The following SEMA6D variants were observed in gnomAD, a reference collection of about 807,000 sequenced individuals.
SEMA6D encodes semaphorin 6D.
SEMA6D carries 35 observed loss-of-function variants against 106.6 expected under a neutral mutation model. That is an observed-to-expected ratio of 0.33 (90% CI 0.25 to 0.44). SEMA6D has a LOEUF of 0.44. SEMA6D is among the 20% of genes least tolerant of loss of function. The pLI, the probability that SEMA6D is intolerant of heterozygous loss-of-function variation, is 1.00. For synonymous variants in SEMA6D, 499 were observed against 487.7 expected, an observed-to-expected ratio of 1.02 and a Z score of -0.31; for missense variants, 1,185 against 1,345.9, an observed-to-expected ratio of 0.88 and a Z score of 1.87.
chr15:47,305,165 A>T (rs1185042299), intron 1 of SEMA6D, among the ~76,000 whole-genome samples: 1 of 152,176 alleles, frequency 6.6e-6, no homozygotes, highest in Non-Finnish European at 1.5e-5. Context: ...ACTTTTAAAC[A>T]AGGTTTCCAG....
rs1000525192 is a variant in SEMA6D at position 47,608,123 on chromosome 15, G to T, written c.-55+7227G>T. Among the ~76,000 whole-genome samples, 18 of 152,102 alleles carry T rather than the reference G, an allele frequency of 1.2e-4. 1 individual carries two copies. The highest frequency in any genetic ancestry group is 2.1e-4 in the South Asian group (1 of 4,820). ...GTCAAGATAATATTATTATGGAATGGTTCATTTGTGTGCCGAGTGGGAGTA... is the reference window on the plus strand; with the variant it reads ...GTCAAGATAATATTATTATGGAATGTTTCATTTGTGTGCCGAGTGGGAGTA... On this transcript the variant is annotated intron_variant, in intron 4 of 19. Transcript: ENST00000558014.
chr15:47,594,583 C>T (rs893485902), intron 3 of SEMA6D, among the ~76,000 whole-genome samples: 3 of 152,156 alleles, frequency 2.0e-5, no homozygotes, highest in African/African-American at 7.2e-5. Flanking sequence ...AGGACCTATA[C>T]TTTGGGATAT....
intron 4 of SEMA6D, among the ~76,000 whole-genome samples, chr15:47,632,269 A>C (rs968372673): frequency 9.9e-5 from 15 of 152,034 alleles, no homozygotes; most frequent in African/African-American, 3.6e-4. Flanking sequence ...TTTTTTATAA[A>C]GTCTATTCTG....
At chr15:47,375,981 T>C (rs1385821337) in intron 1 of SEMA6D, among the ~76,000 whole-genome samples, 1 of 152,174 alleles carries the variant, frequency 6.6e-6, no homozygotes, top group Non-Finnish European at 1.5e-5. Flanking sequence ...CAGCTTGTGG[T>C]TGTAAATTGT....
intron 1 of SEMA6D, among the ~76,000 whole-genome samples, chr15:47,287,613 C>A (rs754852255): frequency 3.9e-5 from 6 of 152,194 alleles, no homozygotes; most frequent in Admixed American, 6.5e-5. Context: ...CCTATACTTA[C>A]ACCTAAATTG....
intron 1 of SEMA6D, among the ~76,000 whole-genome samples, chr15:47,294,375 C>T (rs1308267957): frequency 2.6e-5 from 4 of 151,996 alleles, no homozygotes; most frequent in Non-Finnish European, 5.9e-5. Context: ...AGGTGCGTGC[C>T]ACCATGCCCG....
intron 1 of SEMA6D, among the ~76,000 whole-genome samples, chr15:47,315,594 C>T (rs1566992213): frequency 6.6e-6 from 1 of 152,118 alleles, no homozygotes. Context: ...TTTTGCCTCT[C>T]CATATAAACT....
At chr15:47,644,166 C>G (rs17326895) in intron 4 of SEMA6D, among the ~76,000 whole-genome samples, 1 of 152,024 alleles carries the variant, frequency 6.6e-6, no homozygotes, top group African/African-American at 2.4e-5. Context: ...GTGCACCATT[C>G]TTTATTCTCC....
chr15:47,345,442 A>C (rs1308619923), intron 1 of SEMA6D, among the ~76,000 whole-genome samples: 1 of 152,178 alleles, frequency 6.6e-6, no homozygotes, highest in Non-Finnish European at 1.5e-5. Flanking sequence ...GAGTAAATAC[A>C]ATTTAACAAA....
intron 3 of SEMA6D, among the ~76,000 whole-genome samples, chr15:47,566,776 A>C (rs2046241392): frequency 6.6e-6 from 1 of 152,236 alleles, no homozygotes. Context: ...CAATGAGCTA[A>C]CGGATGGAAA....
rs1035089644 is a variant in SEMA6D, at chr15:47,430,919, C to T, written c.-159+18447C>T. On this transcript the variant is annotated intron_variant, in intron 2 of 19. Transcript: ENST00000558014. ...AAGCCCAGGTAAGCCCAGCAAAACTCAGATGGTCATGAGCCCTAGCCACGG... is the reference window on the plus strand; with the variant it reads ...AAGCCCAGGTAAGCCCAGCAAAACTTAGATGGTCATGAGCCCTAGCCACGG... 1.3e-5 allele frequency among the ~76,000 whole-genome samples: 2 copies of T among 152,108 alleles called. 1 individual carries two copies. Among genetic ancestry groups the T allele is most frequent in the Admixed American group, 1.3e-4 (2 of 15,264 alleles).
chr15:47,493,996 A>G (rs1001164053), intron 3 of SEMA6D, among the ~76,000 whole-genome samples: 9 of 152,168 alleles, frequency 5.9e-5, no homozygotes, highest in Non-Finnish European at 1.3e-4. Context: ...CAAGGCAAAG[A>G]AAGTCAGCCA....
chr15:47,541,736 G>T (rs1032448919), intron 3 of SEMA6D, among the ~76,000 whole-genome samples: 3 of 152,110 alleles, frequency 2.0e-5, no homozygotes, highest in African/African-American at 4.8e-5. Flanking sequence ...TATTTCAAGG[G>T]TGTTGCTGTT....
At chr15:47,194,220 A>G (rs1325538310) in intron 1 of SEMA6D, among the ~76,000 whole-genome samples, 2 of 152,160 alleles carry the variant, frequency 1.3e-5, no homozygotes, top group African/African-American at 4.8e-5. Flanking sequence ...AATATTTACA[A>G]GGTCAAATAT....
chr15:47,433,805 A>G (rs1376070147), intron 2 of SEMA6D, among the ~76,000 whole-genome samples: 3 of 152,138 alleles, frequency 2.0e-5, no homozygotes, highest in Non-Finnish European at 4.4e-5. Context: ...AATGGGGTAA[A>G]CAGAAAATAT....
chr15:47,543,635 A>G (rs921393093), intron 3 of SEMA6D, among the ~76,000 whole-genome samples: 4 of 152,102 alleles, frequency 2.6e-5, no homozygotes, highest in East Asian at 3.9e-4. Flanking sequence ...TATGTCACCT[A>G]TGGGCTAGTT....
chr15:47,356,902 A>G (rs903980), intron 1 of SEMA6D, among the ~76,000 whole-genome samples: 95,973 of 151,572 alleles, frequency 0.63, 31,418 homozygotes, highest in Non-Finnish European at 0.72. Context: ...ATTTTATTTT[A>G]TGCATAAGTG....
chr15:47,539,397 C>A (rs922182208), intron 3 of SEMA6D, among the ~76,000 whole-genome samples: 5 of 132,936 alleles, frequency 3.8e-5, no homozygotes, highest in Non-Finnish European at 6.3e-5. Context: ...GCCGTATAGT[C>A]CCTGGCTCAG....
At chr15:47,472,124 G>A (rs2042868638) in intron 3 of SEMA6D, among the ~76,000 whole-genome samples, 1 of 152,136 alleles carries the variant, frequency 6.6e-6, no homozygotes, top group Non-Finnish European at 1.5e-5. Flanking sequence ...TAGGAGCCAC[G>A]CAGGACAGCT....
Sources: gnomAD v4.1 joint callset for allele counts (sites outside exome capture counted in the v4.1 genomes callset) on GRCh38, gnomAD v4.1.1 for gene constraint, MANE v1.5 for transcripts, NCBI Gene and HGNC (gene_info 2026-07-23, HGNC 2026-07-21) for gene names.